Variants in BTD observed in about 807,000 individuals in gnomAD.
The protein encoded by BTD is biotinidase, also known as biocytinase.
Under a neutral mutation model 17.7 loss-of-function variants are expected in BTD, and 13 were observed. That is an observed-to-expected ratio of 0.74 (90% CI 0.48 to 1.17). BTD has a LOEUF of 1.17. Ranked by LOEUF, BTD falls within the 50% of genes most tolerant of loss-of-function variation. BTD has a pLI of 0.00. For synonymous variants in BTD, 240 were observed against 245.2 expected (o/e 0.98, Z 0.20); for missense variants, 674 against 650.4 (o/e 1.04, Z -0.39).
downstream of BTD, among the ~76,000 whole-genome samples, chr3:15,658,477 ATAGCCTTTGTACATG>A (rs1320124889): frequency 6.6e-6 from 1 of 152,216 alleles, no homozygotes; most frequent in African/African-American, 2.4e-5. Flanking sequence ...GCACTCGGGT[ATAGCCTTTGTACATG>A]TAGCCCACTT....
chr3:15,698,939 C>T (rs1410538604), intron 3 of BTD, among the ~76,000 whole-genome samples: 1 of 152,194 alleles, frequency 6.6e-6, no homozygotes, highest in African/African-American at 2.4e-5. Context: ...CCAAGACAAT[C>T]CTAAGCCAAA....
chr3:15,607,400 TTTC>T (rs1412000081), intron 1 of BTD, among the ~76,000 whole-genome samples: 6 of 152,206 alleles, frequency 3.9e-5, no homozygotes, highest in African/African-American at 1.4e-4. Context: ...AATTGGTGGT[TTTC>T]TTCTCTCTGG....
chr3:15,621,015 G>T (rs2064938022), intron 1 of BTD, among the ~76,000 whole-genome samples: 2 of 152,220 alleles, frequency 1.3e-5, no homozygotes, highest in Non-Finnish European at 2.9e-5. Context: ...CACAGGCCAG[G>T]GAGTTCTAAC....
At chr3:15,664,540 C>G (rs2065958195) in intron 3 of BTD, among the ~76,000 whole-genome samples, 1 of 152,100 alleles carries the variant, frequency 6.6e-6, no homozygotes, top group South Asian at 2.1e-4. Flanking sequence ...TTGCTGACAG[C>G]CTTTAATTTT....
At chr3:15,687,432 T>C (rs1308339631) in intron 3 of BTD, among the ~76,000 whole-genome samples, 1 of 152,064 alleles carries the variant, frequency 6.6e-6, no homozygotes, top group Non-Finnish European at 1.5e-5. Flanking sequence ...CAAGTAGAAG[T>C]AGTCCAAAGA....
At chr3:15,698,877 T>C (rs1465714158) in intron 3 of BTD, among the ~76,000 whole-genome samples, 2 of 152,082 alleles carry the variant, frequency 1.3e-5, no homozygotes, top group African/African-American at 4.8e-5. Flanking sequence ...CTTCACAGAA[T>C]TGGAAAAAAC....
At chr3:15,632,095 C>T (rs911303963) in intron 1 of BTD, among the ~76,000 whole-genome samples, 3 of 152,138 alleles carry the variant, frequency 2.0e-5, no homozygotes, top group Non-Finnish European at 4.4e-5. Context: ...GCTCTCACCT[C>T]GCAGACCCAC....
chr3:15,655,258 T>G (rs1003553340), downstream of BTD, among the ~76,000 whole-genome samples: 23 of 152,166 alleles, frequency 1.5e-4, no homozygotes, highest in African/African-American at 5.3e-4. Context: ...TGAAGCATGC[T>G]GGGAGTTTGA....
intron 1 of BTD, among the ~76,000 whole-genome samples, chr3:15,606,042 CAAAA>C (rs11369757): frequency 1.5e-5 from 1 of 64,952 alleles, no homozygotes; most frequent in Non-Finnish European, 2.9e-5. Flanking sequence ...GACCCTGTCT[CAAAA>C]AAAAAAAAAA....
At chr3:15,694,759 T>C (rs2069292326) in intron 3 of BTD, 2 of 1,613,532 alleles carry the variant, frequency 1.2e-6, no homozygotes, top group Non-Finnish European at 1.7e-6. Flanking sequence ...AAAGGGCTTA[T>C]TGTTGCTCTA....
At position 15,625,370 on chromosome 3, in the gene BTD, A is replaced by G. The variant is rs555994614; in HGVS notation, c.-16-10054A>G. Among the ~76,000 whole-genome samples, 32 of 152,270 alleles carry G rather than the reference A, an allele frequency of 2.1e-4. No individual in the cohort carries two copies. The South Asian group carries it at 6.4e-3, about 31-fold the overall frequency. On this transcript the variant is annotated intron_variant, in intron 1 of 3. Coordinates refer to ENST00000643237, the MANE Select transcript of BTD (RefSeq NM_001370658.1). ...AGTTTCTCTGGAGGAGAGGCCTGCT[A>G]AAGACCAGAATGCTTTGTTTCCTTT...
intron 3 of BTD, among the ~76,000 whole-genome samples, chr3:15,673,947 G>C (rs1395440041): frequency 2.6e-5 from 4 of 151,906 alleles, no homozygotes; most frequent in Admixed American, 6.6e-5. Flanking sequence ...AGGCTGAGGT[G>C]GGGGGATTGC....
intron 3 of BTD, chr3:15,685,277 C>T: frequency 6.2e-7 from 1 of 1,614,006 alleles, no homozygotes; most frequent in South Asian, 1.1e-5. Flanking sequence ...TCTGCTGTGG[C>T]TGGATTTGCA....
intron 1 of BTD, among the ~76,000 whole-genome samples, chr3:15,634,488 T>G (rs1295415308): frequency 3.3e-5 from 5 of 152,186 alleles, no homozygotes; most frequent in African/African-American, 4.8e-5. Context: ...AAAACAGTAA[T>G]GCACACTGTT....
intron 1 of BTD, among the ~76,000 whole-genome samples, chr3:15,633,516 T>C (rs1271888922): frequency 6.6e-6 from 1 of 152,244 alleles, no homozygotes; most frequent in African/African-American, 2.4e-5. Flanking sequence ...TGCGGTTTCC[T>C]TGTTTTGCTG....
intron 1 of BTD, among the ~76,000 whole-genome samples, chr3:15,627,811 T>G (rs1243410263): frequency 6.6e-6 from 1 of 152,240 alleles, no homozygotes; most frequent in Non-Finnish European, 1.5e-5. Context: ...AATCTCTGCC[T>G]CCGAGGTTCA....
intron 3 of BTD, among the ~76,000 whole-genome samples, chr3:15,682,835 C>T (rs1167232514): frequency 6.6e-6 from 1 of 152,174 alleles, no homozygotes; most frequent in African/African-American, 2.4e-5. Context: ...TATATAGTCG[C>T]TTATTGCATA....
intron 1 of BTD, among the ~76,000 whole-genome samples, chr3:15,628,564 A>G (rs1275774013): frequency 2.0e-5 from 3 of 152,232 alleles, no homozygotes; most frequent in Non-Finnish European, 4.4e-5. Context: ...TAAAAGCAAT[A>G]CCTTGCTGAC....
intron 1 of BTD, among the ~76,000 whole-genome samples, chr3:15,626,490 A>G (rs985811072): frequency 6.6e-6 from 1 of 152,152 alleles, no homozygotes; most frequent in Non-Finnish European, 1.5e-5. Context: ...ATGCCAGGTA[A>G]AGCTGTAGGA....
Sources: allele counts gnomAD v4.1 joint callset (sites outside exome capture counted in the v4.1 genomes callset), GRCh38; gene constraint gnomAD v4.1.1; transcripts MANE v1.5; gene names NCBI Gene and HGNC (gene_info 2026-07-23, HGNC 2026-07-21).